Variants in MYBL1 observed in about 807,000 individuals in gnomAD.
The protein encoded by MYBL1 is MYB proto-oncogene like 1.
In MYBL1, 17 loss-of-function variants were observed where a neutral mutation model predicts 96.3. That is an observed-to-expected ratio of 0.18 (90% CI 0.12 to 0.26). The LOEUF (loss-of-function observed/expected upper bound fraction) is 0.26. MYBL1 is among the 10% of genes least tolerant of loss of function. The probability of loss-of-function intolerance (pLI) is 1.00; values close to 1 mark genes in which losing one functional copy is unlikely to be tolerated. For synonymous variants in MYBL1, 282 were observed against 292.7 expected (o/e 0.96, Z 0.37); for missense variants, 701 against 882.9 (o/e 0.79, Z 2.61).
At chr8:66,580,614 T>C (rs927945510) in intron 8 of MYBL1, among the ~76,000 whole-genome samples, 1 of 152,218 alleles carries the variant, frequency 6.6e-6, no homozygotes, top group African/African-American at 2.4e-5. Context: ...TCCAAACTCT[T>C]AGAATCTGGC....
intron 1 of MYBL1, among the ~76,000 whole-genome samples, chr8:66,606,470 AT>A (rs1264430502): frequency 6.6e-6 from 1 of 152,194 alleles, no homozygotes. Context: ...CCTTACTCTA[AT>A]ATAGTTAAGC....
chr8:66,569,189 A>G (rs1292596257), intron 12 of MYBL1, among the ~76,000 whole-genome samples: 3 of 152,246 alleles, frequency 2.0e-5, no homozygotes, highest in African/African-American at 7.2e-5. Flanking sequence ...TCCCATTTAT[A>G]AATGAGAACA....
chr8:66,564,928 T>C, intron 15 of MYBL1, 103 bp from the exon 16 acceptor site: 1 of 656,590 alleles, frequency 1.5e-6, no homozygotes. Flanking sequence ...AGATATTTTA[T>C]AAACAATAAT....
chr8:66,612,279 A>G (rs1810560491), intron 1 of MYBL1: 1 of 153,330 alleles, frequency 6.5e-6, no homozygotes, highest in South Asian at 2.1e-4. Flanking sequence ...ATATGGGTAT[A>G]GGAATTACAG....
In MYBL1 at chr8:66,592,516, T is replaced by C. The variant is rs1809689823; in HGVS notation, c.791A>G (p.Lys264Arg). ...QQPFIDEDPD[K>R]EKKIKELEML... is the part of the protein sequence containing the mutation. ...CTCAAGTTCCTTTATTTTCTTTTCC[T>C]TATCAGGATCTTCATCAATGAAGGG... The change falls in exon 8 of 16, where the codon AAG becomes AGG. Residue 264 changes from lysine to arginine, a missense_variant. Physicochemically the swap from Lys to Arg is conservative, Grantham distance 26. Transcript: ENST00000522677. 14 of 1,599,654 alleles carry C rather than the reference T, an allele frequency of 8.8e-6. No individual in the cohort carries two copies. Among genetic ancestry groups the C allele is most frequent in the Non-Finnish European group, 1.2e-5 (14 of 1,177,062 alleles).
rs1810088318 is a variant in MYBL1, at chr8:66,601,918, T to C, written c.127-149A>G. On this transcript the variant is annotated intron_variant, in intron 2 of 15. Transcript: ENST00000522677. ...ACTATAATACAAATTCTTCCATTTA[T>C]TATACTGTTTCTCTAAGTTCCAATG... is the stretch of plus-strand genomic sequence containing the variant. The C allele has an allele frequency of 6.8e-6, 3 of 441,924 alleles. No individual in the cohort carries two copies. In the South Asian group the frequency reaches 2.2e-4, roughly 32 times the overall value. The allele number at this position is 441,924 out of a possible 1,614,324, so 27.4% of individuals were successfully genotyped here.
At chr8:66,601,177 C>CAAA (rs1167336780) in intron 3 of MYBL1, among the ~76,000 whole-genome samples, 5 of 13,906 alleles carry the variant, frequency 3.6e-4, no homozygotes, top group South Asian at 2.2e-3. Context: ...AACTCCGTCT[C>CAAA]AAAAAAAAAA....
In MYBL1 at chr8:66,576,129, T is replaced by G; in HGVS notation, c.1348A>C (p.Lys450Gln). The G allele has an allele frequency of 6.2e-7, 1 of 1,614,012 alleles. No individual in the cohort carries two copies. Among genetic ancestry groups the G allele is most frequent in the East Asian group, 2.2e-5 (1 of 44,882 alleles). ...GAATGACCCACTCGCATTTTTCTCT[T>G]CTTTCTGAGGATGGCTGGTGGAGTG... The part of the protein sequence containing the change: ...FSTPPAILRK[K>Q]RKMRVGHSPG... The change falls in exon 10 of 16, where the codon AAG becomes CAG. Residue 450 changes from lysine to glutamine, a missense_variant. Coordinates refer to ENST00000522677, the MANE Select transcript of MYBL1 (RefSeq NM_001080416.4).
intron 6 of MYBL1, among the ~76,000 whole-genome samples, chr8:66,594,419 A>G (rs770282884): frequency 1.3e-5 from 2 of 152,140 alleles, no homozygotes; most frequent in Non-Finnish European, 2.9e-5. Flanking sequence ...TTATTTTATT[A>G]GTTTAAATTA....
In MYBL1 at chr8:66,565,150, T is replaced by C. The variant is rs573773271; in HGVS notation, c.2131-325A>G. 1.9e-4 allele frequency: 30 copies of C among 156,520 alleles called. No homozygotes were observed. In the South Asian group the frequency reaches 5.9e-3, roughly 31 times the overall value. 9.7% of individuals were successfully genotyped at this position (156,520 alleles called of 1,614,324 possible). A position where few individuals can be genotyped will look rare whatever the true frequency, so the allele number is the denominator to read the frequency against. On this transcript the variant is annotated intron_variant, in intron 15 of 15. Transcript: ENST00000522677. ...CATGGAAATAAATGTTAGTCTTTATTGCTTCAAAATTTTGCAAAAGATTTA... is the reference window on the plus strand; with the variant it reads ...CATGGAAATAAATGTTAGTCTTTATCGCTTCAAAATTTTGCAAAAGATTTA...
chr8:66,596,344 G>T (rs1377795124), intron 5 of MYBL1, among the ~76,000 whole-genome samples: 1 of 152,008 alleles, frequency 6.6e-6, no homozygotes, highest in Non-Finnish European at 1.5e-5. Flanking sequence ...GAGTTAATTG[G>T]CTCCCTTCTT....
chr8:66,585,729 T>C (rs917637299), intron 8 of MYBL1, among the ~76,000 whole-genome samples: 1 of 152,008 alleles, frequency 6.6e-6, no homozygotes, highest in Non-Finnish European at 1.5e-5. Flanking sequence ...GTGACAAGAA[T>C]GAAGCTTTGT....
At chr8:66,608,705 T>C (rs1810416384) in intron 1 of MYBL1, among the ~76,000 whole-genome samples, 2 of 152,166 alleles carry the variant, frequency 1.3e-5, no homozygotes, top group Admixed American at 6.5e-5. Flanking sequence ...TACTTTTACA[T>C]AATCTTTTGA....
intron 6 of MYBL1, among the ~76,000 whole-genome samples, chr8:66,593,871 C>T (rs1809748235): frequency 6.6e-6 from 1 of 152,064 alleles, no homozygotes; most frequent in Non-Finnish European, 1.5e-5. Context: ...TACAGTGGCC[C>T]ACCCCTGTAA....
At chr8:66,597,269 C>T in intron 5 of MYBL1, 61 bp downstream of exon 5, 1 of 1,179,740 alleles carries the variant, frequency 8.5e-7, no homozygotes, top group Non-Finnish European at 1.2e-6. Context: ...ATGTATTTAA[C>T]AGTAAGGTAA....
intron 8 of MYBL1, among the ~76,000 whole-genome samples, 195 bp from the exon 9 acceptor site, chr8:66,580,561 C>A (rs980138375): frequency 6.6e-6 from 1 of 152,126 alleles, no homozygotes; most frequent in South Asian, 2.1e-4. Flanking sequence ...TTAATCTATA[C>A]AATCATGATG....
intron 3 of MYBL1, among the ~76,000 whole-genome samples, chr8:66,601,177 C>CAA (rs1167336780): frequency 1.5e-3 from 21 of 13,902 alleles, no homozygotes; most frequent in Non-Finnish European, 2.7e-3. Context: ...AACTCCGTCT[C>CAA]AAAAAAAAAA....
chr8:66,586,534 AGATGCT>A (rs1251490272), intron 8 of MYBL1, among the ~76,000 whole-genome samples: 2 of 152,208 alleles, frequency 1.3e-5, no homozygotes, highest in Non-Finnish European at 2.9e-5. Flanking sequence ...AAAAAATAAC[AGATGCT>A]GGCAAAGATG....
chr8:66,580,288 C>T lies in MYBL1; in HGVS notation c.946G>A (p.Glu316Lys), dbSNP rs936042884. ...ATACTGTAAAACTCACTAGTGTGCTCGTCAAGGCTATTTAGAGTATTAGAC... is the reference window on the plus strand; with the variant it reads ...ATACTGTAAAACTCACTAGTGTGCTTGTCAAGGCTATTTAGAGTATTAGAC... ...NMSNTLNSLD[E>K]HTSEFYSMDE... Residue 316 changes from glutamate to lysine, a missense_variant, in exon 9 of 16, where the codon GAG becomes AAG. This residue lies in a region of MYBL1 where 396 missense variants were observed against 407.4 expected (regional missense o/e 0.97). Coordinates refer to ENST00000522677, the MANE Select transcript of MYBL1 (RefSeq NM_001080416.4). 2.5e-6 allele frequency: 4 copies of T among 1,613,714 alleles called. No individual in the cohort carries two copies. Among genetic ancestry groups the T allele is most frequent in the African/African-American group, 2.7e-5 (2 of 75,018 alleles).
Sources: gnomAD v4.1 joint callset for allele counts (sites outside exome capture counted in the v4.1 genomes callset) on GRCh38, gnomAD v4.1.1 for gene constraint, gnomAD v4.1.1 regional missense constraint, MANE v1.5 for transcripts, NCBI Gene and HGNC (gene_info 2026-07-23, HGNC 2026-07-21) for gene names.